Variants in LRPPRC observed in about 807,000 individuals in gnomAD.
The protein encoded by LRPPRC is leucine-rich PPR motif-containing protein, mitochondrial.
Under a neutral mutation model 180.3 loss-of-function variants are expected in LRPPRC, and 120 were observed. The ratio of observed to expected loss-of-function variants is 0.67; its 90% CI spans 0.57 to 0.77. The LOEUF (loss-of-function observed/expected upper bound fraction) is 0.77, where lower values mean the gene tolerates loss of function less well. Ranked by LOEUF, LRPPRC falls within the 30% of genes least tolerant of loss-of-function variation. The probability of loss-of-function intolerance (pLI) is 0.00; values close to 1 mark genes in which losing one functional copy is unlikely to be tolerated. For missense variants in LRPPRC, 2,012 were observed against 1,657.2 expected (o/e 1.21, Z -3.72); for synonymous variants, 723 against 600.0 (o/e 1.21, Z -3.00).
chr2:43,894,596 G>A lies in LRPPRC; in HGVS notation c.3934C>T (p.Pro1312Ser). The A allele has an allele frequency of 6.3e-7, 1 of 1,582,774 alleles. No homozygotes were observed. The stretch of plus-strand genomic sequence containing the variant: ...GCTTCTTCCTTTTCATTTAATTCAG[G>A]AATCAATTCTAACACAGATTTCACA... ...STVKSVLELI[P>S]ELNEKEEAYN... Residue 1312 changes from proline (P) to serine (S), a missense_variant, in exon 36 of 38, where the codon CCT becomes TCT. Coordinates refer to ENST00000260665, the MANE Select transcript of LRPPRC (RefSeq NM_133259.4).
At chr2:43,959,122 G>A in intron 13 of LRPPRC, 1 of 686,468 alleles carries the variant, frequency 1.5e-6, no homozygotes, top group East Asian at 2.7e-5. Flanking sequence ...TGGAATGGAT[G>A]ATATGATAAA....
chr2:43,987,009 A>C (rs1397470434), intron 1 of LRPPRC, among the ~76,000 whole-genome samples: 1 of 152,206 alleles, frequency 6.6e-6, no homozygotes, highest in Non-Finnish European at 1.5e-5. Flanking sequence ...CCCTAATTTA[A>C]CTATTCCACT....
chr2:43,925,530 C>G (rs531788224), intron 26 of LRPPRC, among the ~76,000 whole-genome samples: 1 of 152,094 alleles, frequency 6.6e-6, no homozygotes, highest in African/African-American at 2.4e-5. Flanking sequence ...GTGGCTTTTA[C>G]TTGGCATGGT....
chr2:43,894,742 C>T (rs1343866299), intron 35 of LRPPRC, 113 bp from the exon 36 acceptor site: 2 of 690,516 alleles, frequency 2.9e-6, no homozygotes, highest in Admixed American at 2.2e-5. Context: ...ACAGAACTAC[C>T]TATTAAATTT....
rs183680772 is a variant in LRPPRC, at chr2:43,980,810, C to T, written c.347-862G>A. On this transcript the variant is annotated intron_variant, in intron 2 of 37. Transcript: ENST00000260665. Reference sequence around the variant, plus strand: ...CTAGAGTAGGGCAAACCTACAGGGACAGAAAATACGCTAGTTGTTGCCTAC... The same window carrying T: ...CTAGAGTAGGGCAAACCTACAGGGATAGAAAATACGCTAGTTGTTGCCTAC... Among the ~76,000 whole-genome samples the T allele has an allele frequency of 2.9e-3, 440 of 152,204 alleles. 3 individuals carry two copies. The highest frequency in any genetic ancestry group is 4.2e-3 in the Non-Finnish European group (289 of 68,006).
intron 13 of LRPPRC, among the ~76,000 whole-genome samples, chr2:43,958,169 G>A (rs538820209): frequency 1.3e-5 from 2 of 152,270 alleles, no homozygotes; most frequent in South Asian, 4.1e-4. Flanking sequence ...TGCCAAACTA[G>A]CAAGGGATGA....
chr2:43,892,295 G>A (rs967091716), intron 36 of LRPPRC, among the ~76,000 whole-genome samples: 1 of 152,182 alleles, frequency 6.6e-6, no homozygotes, highest in African/African-American at 2.4e-5. Flanking sequence ...AGCTTCAAAG[G>A]ACAGGCTGAC....
At position 43,934,272 on chromosome 2, in the gene LRPPRC, T is replaced by C; in HGVS notation, c.2654A>G (p.Gln885Arg). 1 of 1,608,428 alleles carries C rather than the reference T, an allele frequency of 6.2e-7. No homozygotes were observed. The highest frequency in any genetic ancestry group is 1.1e-5 in the South Asian group (1 of 90,886). ...ATCATAGAGCATCACCATTTCACCT[T>C]GTTCTTGGCTCACAAAGTCCATTGC... The part of the protein sequence containing the change: ...QKAMDFVSQE[Q>R]GEMVMLYDLF... The change falls in exon 25 of 38, where the codon CAA (glutamine) becomes CGA (arginine). Residue 885 changes from glutamine (Q) to arginine (R), a missense_variant. By Grantham distance (43) the Gln-to-Arg change is conservative. Coordinates refer to ENST00000260665, the MANE Select transcript of LRPPRC (RefSeq NM_133259.4).
intron 31 of LRPPRC, 155 bp from the exon 32 acceptor site, chr2:43,901,679 T>C: frequency 1.6e-6 from 1 of 635,222 alleles, no homozygotes; most frequent in East Asian, 2.7e-5. Flanking sequence ...TAATACTTCA[T>C]GAGATACCCC....
intron 23 of LRPPRC, among the ~76,000 whole-genome samples, chr2:43,937,025 G>T (rs1384172442): frequency 1.3e-5 from 2 of 152,022 alleles, no homozygotes; most frequent in Non-Finnish European, 2.9e-5. Context: ...TAAGTGGCAT[G>T]ATTTGCTTTT....
At chr2:43,939,986 G>A (rs894601598) in intron 23 of LRPPRC, among the ~76,000 whole-genome samples, 2 of 152,176 alleles carry the variant, frequency 1.3e-5, no homozygotes, top group African/African-American at 2.4e-5. Flanking sequence ...TTTTCTGACA[G>A]AGGCAGAAAA....
At chr2:43,914,601 G>A (rs1161114156) in intron 29 of LRPPRC, among the ~76,000 whole-genome samples, 3 of 152,026 alleles carry the variant, frequency 2.0e-5, no homozygotes, top group Non-Finnish European at 4.4e-5. Context: ...GGTGGGGGGT[G>A]CCTGTAATCC....
chr2:43,909,735 C>T (rs1671191630), intron 30 of LRPPRC, among the ~76,000 whole-genome samples: 1 of 151,654 alleles, frequency 6.6e-6, no homozygotes, highest in Non-Finnish European at 1.5e-5. Flanking sequence ...ATACTTATCC[C>T]CAAACTCACT....
intron 9 of LRPPRC, 61 bp from the exon 10 acceptor site, chr2:43,973,961 G>T (rs898989426): frequency 4.3e-6 from 5 of 1,165,914 alleles, no homozygotes; most frequent in Non-Finnish European, 5.2e-6. Context: ...TTGACCTGCT[G>T]CAAATATTCT....
At position 43,992,117 on chromosome 2, in the gene LRPPRC, C is replaced by T. The variant is rs560130406; in HGVS notation, c.149+3682G>A. Among the ~76,000 whole-genome samples, 7 of 152,174 alleles carry T rather than the reference C, an allele frequency of 4.6e-5. No individual in the cohort carries two copies. The South Asian group carries it at 1.0e-3, about 23-fold the overall frequency. On this transcript the variant is annotated intron_variant, in intron 1 of 37. Coordinates refer to ENST00000260665, the MANE Select transcript of LRPPRC (RefSeq NM_133259.4). ...TGTTAATGGGTGCTTTAGTGATACA[C>T]GGTCTAAGAGGAGGCACAAGAAAGG...
intron 1 of LRPPRC, 50 bp downstream of exon 1, chr2:43,995,749 G>A (rs975863002): frequency 2.1e-5 from 28 of 1,344,248 alleles, no homozygotes; most frequent in East Asian, 6.1e-5. Context: ...CCACGACCCC[G>A]GGGGACCCTG....
rs116388346 is a variant in LRPPRC, at chr2:43,995,465, A to G, written c.149+334T>C. Among the ~76,000 whole-genome samples, 916 of 152,312 alleles carry G rather than the reference A, an allele frequency of 6.0e-3. 9 individuals carry two copies. Among genetic ancestry groups the G allele is most frequent in the African/African-American group, 0.021 (871 of 41,562 alleles). On this transcript the variant is annotated intron_variant, in intron 1 of 37. Coordinates refer to ENST00000260665, the MANE Select transcript of LRPPRC (RefSeq NM_133259.4). ...ACCCAAGCTGGCCAAGTGTAAGGAAAAGACCACCACCCGACTTCCCAAAGC... is the reference window on the plus strand; with the variant it reads ...ACCCAAGCTGGCCAAGTGTAAGGAAGAGACCACCACCCGACTTCCCAAAGC...
intron 1 of LRPPRC, among the ~76,000 whole-genome samples, chr2:43,994,588 C>G (rs1047483071): frequency 4.5e-5 from 5 of 110,370 alleles, no homozygotes; most frequent in Non-Finnish European, 1.0e-4. Flanking sequence ...GCAGATAAAT[C>G]TGGAGTAGGC....
At chr2:43,944,779 TCAA>T (rs1672616524) in intron 22 of LRPPRC, among the ~76,000 whole-genome samples, 1 of 152,046 alleles carries the variant, frequency 6.6e-6, no homozygotes. Context: ...TAGCATTATC[TCAA>T]CGAGAAAATT....
Sources: allele counts gnomAD v4.1 joint callset (sites outside exome capture counted in the v4.1 genomes callset), GRCh38; gene constraint gnomAD v4.1.1; transcripts MANE v1.5; gene names NCBI Gene and HGNC (gene_info 2026-07-23, HGNC 2026-07-21).